Variants in EFEMP1 observed in about 807,000 individuals in gnomAD.
EFEMP1 encodes the protein EGF-like fibulin extracellular matrix protein 1, also known as EGF-containing fibulin-like extracellular matrix protein 1.
In EFEMP1, 18 loss-of-function variants were observed where a neutral mutation model predicts 65.7. The observed-to-expected ratio is 0.27, with a 90% CI of 0.19 to 0.41. The LOEUF (loss-of-function observed/expected upper bound fraction) is 0.41. Ranked by LOEUF, EFEMP1 falls within the 10% of genes least tolerant of loss-of-function variation. The pLI is 1.00. For synonymous variants in EFEMP1, 237 were observed against 219.7 expected (o/e 1.08, Z -0.70); for missense variants, 469 against 624.8 (o/e 0.75, Z 2.66).
chr2:55,894,358 T>C lies in EFEMP1; in HGVS notation c.518-12624A>G, dbSNP rs143127762. Among the ~76,000 whole-genome samples the C allele has an allele frequency of 3.9e-3, 589 of 152,290 alleles. 1 individual carries two copies. Among genetic ancestry groups the C allele is most frequent in the African/African-American group, 0.013 (541 of 41,570 alleles). ...GTAATAAAATTATCGATCAGAACTATGAAAAAACAGGGAATATTTTCAAAT... is the reference window on the plus strand; with the variant it reads ...GTAATAAAATTATCGATCAGAACTACGAAAAAACAGGGAATATTTTCAAAT... On this transcript the variant is annotated intron_variant, in intron 5 of 11. Coordinates refer to ENST00000355426, the MANE Select transcript of EFEMP1 (RefSeq NM_001039348.3).
Position 55,919,787 on chromosome 2 carries a change from C to T in EFEMP1, c.82-1520G>A, listed in dbSNP as rs1670851244. Among the ~76,000 whole-genome samples, 1 of 152,080 alleles carries T rather than the reference C, an allele frequency of 6.6e-6. No individual in the cohort carries two copies. Among genetic ancestry groups the T allele is most frequent in the African/African-American group, 2.4e-5 (1 of 41,406 alleles). ...CTCAGACTAATTTTTTTCTTGTTTC[C>T]CAAACAGTGTTAAAGGTACCACTAC... On this transcript the variant is annotated intron_variant, in intron 3 of 11. Coordinates refer to ENST00000355426, the MANE Select transcript of EFEMP1 (RefSeq NM_001039348.3). This position sits in a 1 kb window ranked among gnomAD's most constrained non-coding sequence, Gnocchi z 4.5.
chr2:55,922,490 C>A lies in EFEMP1; in HGVS notation c.-7-43G>T. On this transcript the variant is annotated intron_variant, in intron 2 of 11. Transcript: ENST00000355426. This position sits in a 1 kb window ranked among gnomAD's most constrained non-coding sequence, Gnocchi z 5.5. Reference sequence around the variant, plus strand: ...ACAAACTAATGTTTAGTATCTGCTGCGGGGAAAGTAACAAAACTTTAGCAG... The same window carrying A: ...ACAAACTAATGTTTAGTATCTGCTGAGGGGAAAGTAACAAAACTTTAGCAG... 1.3e-6 allele frequency: 2 copies of A among 1,571,548 alleles called. No individual in the cohort carries two copies. Among genetic ancestry groups the A allele is most frequent in the Non-Finnish European group, 1.7e-6 (2 of 1,143,350 alleles).
intron 5 of EFEMP1, among the ~76,000 whole-genome samples, chr2:55,905,909 A>C (rs1450061415): frequency 6.6e-6 from 1 of 152,158 alleles, no homozygotes; most frequent in Non-Finnish European, 1.5e-5. Context: ...GGTTTACTGG[A>C]AACTAATGCT....
intron 5 of EFEMP1, among the ~76,000 whole-genome samples, chr2:55,914,148 T>C (rs1670587385): frequency 6.6e-6 from 1 of 152,218 alleles, no homozygotes; most frequent in African/African-American, 2.4e-5. Flanking sequence ...GCAGATGATA[T>C]CTAATGGAAA....
Position 55,876,756 on chromosome 2 carries a change from T to TA in EFEMP1, c.761-15_761-14insT, listed in dbSNP as rs1558462212. 2.0e-4 allele frequency: 290 copies of TA among 1,470,610 alleles called. No homozygotes were observed. In the African/African-American group the frequency reaches 3.7e-3, roughly 19 times the overall value. The allele number at this position is 1,470,610 out of a possible 1,614,324, so 91.1% of individuals were successfully genotyped here. On this transcript the variant is annotated splice_polypyrimidine_tract_variant and intron_variant, in intron 7 of 11. Transcript: ENST00000355426. ...ATTCATTTATATCTGAAAAAAAGTTTTATATATATATATATGTATATGTAT... is the reference window on the plus strand; with the variant it reads ...ATTCATTTATATCTGAAAAAAAGTTTATATATATATATATATGTATATGTAT...
At chr2:55,911,550 AT>A (rs146118892) in intron 5 of EFEMP1, among the ~76,000 whole-genome samples, 2,320 of 152,190 alleles carry the variant, frequency 0.015, 41 homozygotes, top group African/African-American at 0.046. Context: ...TATATAATAT[AT>A]TGTTAAAACA....
intron 5 of EFEMP1, among the ~76,000 whole-genome samples, chr2:55,898,444 C>T (rs759844559): frequency 6.6e-6 from 1 of 152,032 alleles, no homozygotes; most frequent in Non-Finnish European, 1.5e-5. Flanking sequence ...ACGTAGCACA[C>T]TCTCTTTTTA....
rs2104367805 is a variant in EFEMP1 at position 55,870,335 on chromosome 2, A to C, written c.1320+385T>G. On this transcript the variant is annotated intron_variant, in intron 11 of 11. Transcript: ENST00000355426. The surrounding 1 kb of genome is among the most constrained non-coding windows in gnomAD (Gnocchi z 5.8). ...ATGTATAATTAATTAACCATCAATG[A>C]TTAGTGATACCTACTTGGGGGGTAT... 7.8e-6 allele frequency among the ~76,000 whole-genome samples: 1 copy of C among 127,722 alleles called. No individual in the cohort carries two copies. Among genetic ancestry groups the C allele is most frequent in the South Asian group, 2.6e-4 (1 of 3,778 alleles). 83.8% of individuals were successfully genotyped at this position (127,722 alleles called of 152,430 possible).
chr2:55,905,777 A>G (rs897235473), intron 5 of EFEMP1, among the ~76,000 whole-genome samples: 7 of 152,130 alleles, frequency 4.6e-5, no homozygotes, highest in Non-Finnish European at 8.8e-5. Context: ...TTAAAGCTCT[A>G]TTAGAATCCT....
At chr2:55,876,522 A>T in intron 8 of EFEMP1, 101 bp downstream of exon 8, 1 of 1,519,144 alleles carries the variant, frequency 6.6e-7, no homozygotes. Context: ...CAGAATTCCC[A>T]TGGGTAAGCG....
intron 5 of EFEMP1, among the ~76,000 whole-genome samples, chr2:55,891,433 C>T (rs56080756): frequency 6.6e-6 from 1 of 152,022 alleles, no homozygotes; most frequent in Non-Finnish European, 1.5e-5. Context: ...TTTCTCTAAG[C>T]TTGACAATGT....
intron 5 of EFEMP1, among the ~76,000 whole-genome samples, chr2:55,905,455 T>TTG (rs970253539): frequency 1.3e-5 from 2 of 152,088 alleles, no homozygotes; most frequent in African/African-American, 2.4e-5. Flanking sequence ...TAATTCTTTT[T>TTG]TGTGTGTGTG....
chr2:55,913,572 A>G (rs188456361), intron 5 of EFEMP1, among the ~76,000 whole-genome samples: 1 of 151,024 alleles, frequency 6.6e-6, no homozygotes, highest in East Asian at 1.9e-4. Context: ...AGGGCAATCA[A>G]TGCTTTCTCT....
At chr2:55,902,222 T>C (rs889555734) in intron 5 of EFEMP1, among the ~76,000 whole-genome samples, 1 of 152,238 alleles carries the variant, frequency 6.6e-6, no homozygotes, top group African/African-American at 2.4e-5. Context: ...TTATGGTTCA[T>C]ATGTGATGGA....
At chr2:55,914,386 A>C (rs1670596865) in intron 5 of EFEMP1, among the ~76,000 whole-genome samples, 1 of 152,198 alleles carries the variant, frequency 6.6e-6, no homozygotes, top group Non-Finnish European at 1.5e-5. Context: ...TTTGTACAAA[A>C]CTGAAAACAC....
At position 55,921,851 on chromosome 2, in the gene EFEMP1, T is replaced by C. The variant is rs1381871981; in HGVS notation, c.81+509A>G. ...TGTCTGCCTTTATTTATTAGAATTATCAAGTTATACAAAAAGAATGAATAT... is the reference window on the plus strand; with the variant it reads ...TGTCTGCCTTTATTTATTAGAATTACCAAGTTATACAAAAAGAATGAATAT... On this transcript the variant is annotated intron_variant, in intron 3 of 11. Transcript: ENST00000355426. The surrounding 1 kb of genome is among the most constrained non-coding windows in gnomAD (Gnocchi z 4.1). 6.1e-6 allele frequency: 1 copy of C among 164,746 alleles called. No individual in the cohort carries two copies. Among genetic ancestry groups the C allele is most frequent in the Non-Finnish European group, 1.3e-5 (1 of 74,474 alleles). 10.2% of individuals were successfully genotyped at this position (164,746 alleles called of 1,614,324 possible). A position where few individuals can be genotyped will look rare whatever the true frequency, so the allele number is the denominator to read the frequency against.
intron 5 of EFEMP1, among the ~76,000 whole-genome samples, chr2:55,884,546 C>T (rs933004416): frequency 6.6e-6 from 1 of 152,148 alleles, no homozygotes; most frequent in African/African-American, 2.4e-5. Context: ...TCCTGACTTC[C>T]CATAGTGCAA....
At chr2:55,916,894 CA>C (rs1487775090) in intron 5 of EFEMP1, among the ~76,000 whole-genome samples, 1 of 152,226 alleles carries the variant, frequency 6.6e-6, no homozygotes, top group Non-Finnish European at 1.5e-5. Context: ...TACGAGCCTA[CA>C]GCTGTTTCTA....
intron 5 of EFEMP1, among the ~76,000 whole-genome samples, chr2:55,897,533 T>G (rs567887892): frequency 3.3e-5 from 5 of 152,290 alleles, no homozygotes; most frequent in Non-Finnish European, 7.4e-5. Context: ...ATAAACCAGG[T>G]GTTTTACCTT....
Sources: allele counts gnomAD v4.1 joint callset (sites outside exome capture counted in the v4.1 genomes callset), GRCh38; gene constraint gnomAD v4.1.1; non-coding constraint Gnocchi (gnomAD v3.1); transcripts MANE v1.5; gene names NCBI Gene and HGNC (gene_info 2026-07-23, HGNC 2026-07-21).